Variants in CALN1 observed in about 807,000 individuals in gnomAD.
The protein encoded by CALN1 is calcium-binding protein 8.
A neutral mutation model predicts 30.6 loss-of-function variants in CALN1; 17 were observed. The observed-to-expected ratio is 0.56, with a 90% CI of 0.38 to 0.83. The LOEUF (loss-of-function observed/expected upper bound fraction) is 0.83. Ranked by LOEUF, CALN1 falls within the 40% of genes least tolerant of loss-of-function variation. The pLI, the probability that CALN1 is intolerant of heterozygous loss-of-function variation, is 0.00. For missense variants in CALN1, 291 were observed against 354.9 expected, an observed-to-expected ratio of 0.82 and a Z score of 1.45; for synonymous variants, 156 against 131.4, an observed-to-expected ratio of 1.19 and a Z score of -1.28.
intron 5 of CALN1, among the ~76,000 whole-genome samples, chr7:71,849,434 CTA>C (rs1491421466): frequency 5.0e-5 from 4 of 80,732 alleles, no homozygotes; most frequent in Non-Finnish European, 2.4e-5. Flanking sequence ...TTGGATCTTC[CTA>C]TTTTTTTTTT....
At chr7:72,265,842 A>G (rs536548450) in intron 3 of CALN1, among the ~76,000 whole-genome samples, 5 of 152,058 alleles carry the variant, frequency 3.3e-5, no homozygotes, top group Non-Finnish European at 7.4e-5. Flanking sequence ...AAGGCTTTCT[A>G]AACTACAAAG....
intron 2 of CALN1, among the ~76,000 whole-genome samples, chr7:72,388,470 G>A (rs1054333432): frequency 2.0e-5 from 3 of 152,092 alleles, no homozygotes; most frequent in Non-Finnish European, 4.4e-5. Flanking sequence ...CCTAAATCAT[G>A]AGCCTTAATA....
rs189544114 is a variant in CALN1 at position 72,410,423 on chromosome 7, G to A, written c.-74+1635C>T. On this transcript the variant is annotated intron_variant, in intron 1 of 6. Coordinates refer to ENST00000395275, the MANE Select transcript of CALN1 (RefSeq NM_031468.4). ...GGAATTCCTTGAAAGATGCAAAAGCGAAATCCTTCTACATGATGTAAAATC... is the reference window on the plus strand; with the variant it reads ...GGAATTCCTTGAAAGATGCAAAAGCAAAATCCTTCTACATGATGTAAAATC... 7.9e-5 allele frequency among the ~76,000 whole-genome samples: 12 copies of A among 152,280 alleles called. No individual in the cohort carries two copies. In the East Asian group the frequency reaches 2.1e-3, roughly 27 times the overall value.
intron 3 of CALN1, among the ~76,000 whole-genome samples, chr7:72,146,746 G>C (rs1203968794): frequency 6.6e-6 from 1 of 152,182 alleles, no homozygotes; most frequent in Non-Finnish European, 1.5e-5. Flanking sequence ...AACCAAAACA[G>C]CATGGTACTG....
intron 4 of CALN1, among the ~76,000 whole-genome samples, chr7:72,097,161 G>C (rs924689300): frequency 1.3e-5 from 2 of 152,106 alleles, no homozygotes; most frequent in African/African-American, 4.8e-5. Flanking sequence ...GCCTGTCGTG[G>C]GGTGGGGGGA....
intron 2 of CALN1, among the ~76,000 whole-genome samples, chr7:72,351,629 T>C (rs966591428): frequency 6.6e-6 from 1 of 152,194 alleles, no homozygotes; most frequent in Non-Finnish European, 1.5e-5. Flanking sequence ...ATAGTATCAT[T>C]TGATATCACA....
intron 3 of CALN1, among the ~76,000 whole-genome samples, chr7:72,262,678 A>T (rs572587506): frequency 1.3e-5 from 2 of 152,348 alleles, no homozygotes; most frequent in South Asian, 2.1e-4. Flanking sequence ...TGCAAAGGAC[A>T]TGATTTCACT....
chr7:72,193,036 A>T (rs908696900), intron 3 of CALN1, among the ~76,000 whole-genome samples: 1 of 151,788 alleles, frequency 6.6e-6, no homozygotes, highest in African/African-American at 2.4e-5. Flanking sequence ...AAAATTACAA[A>T]AATTAGCCGG....
chr7:72,108,082 G>C (rs1356751775), intron 3 of CALN1, among the ~76,000 whole-genome samples: 1 of 152,170 alleles, frequency 6.6e-6, no homozygotes, highest in Non-Finnish European at 1.5e-5. Flanking sequence ...CAATCATGAT[G>C]TCAGCAGAGC....
Position 72,434,573 on chromosome 7 carries a change from GGAAGAAGAAGGA to G in CALN1, c.-226+12457_-226+12468del, listed in dbSNP as rs372647971. ...AAGGAGGGGAAGAGGAAGAGGAAGA[GGAAGAAGAAGGA>G]GAAGAAGAAGGAGAAGGAGAATTTA... On this transcript the variant is annotated intron_variant, in intron 1 of 6. Transcript: ENST00000395276. Among the ~76,000 whole-genome samples the G allele has an allele frequency of 7.1e-3, 1,070 of 151,552 alleles. 15 individuals carry two copies. The highest frequency in any genetic ancestry group is 0.024 in the African/African-American group (1,012 of 41,312).
chr7:72,458,269 T>A, the CALN1 span, among the ~76,000 whole-genome samples: 3 of 68,100 alleles, frequency 4.4e-5, 1 homozygote, highest in African/African-American at 2.6e-4. Context: ...ATATATTCTA[T>A]ATTATATAAT....
At position 71,787,652 on chromosome 7, in the gene CALN1, G is replaced by T. The variant is rs574086430; in HGVS notation, c.*123C>A. On this transcript the variant is annotated 3_prime_UTR_variant, in exon 7 of 7. Transcript: ENST00000395275. Reference sequence around the variant, plus strand: ...CTCAACCTTGGGTTCTTTACTGAACGGTTCCATCGTCCGCATCCATCCATA... The same window carrying T: ...CTCAACCTTGGGTTCTTTACTGAACTGTTCCATCGTCCGCATCCATCCATA... 1.1e-5 allele frequency: 15 copies of T among 1,385,920 alleles called. No homozygotes were observed. The highest frequency in any genetic ancestry group is 1.4e-5 in the Non-Finnish European group (14 of 1,032,610). The allele number at this position is 1,385,920 out of a possible 1,614,324, so 85.9% of individuals were successfully genotyped here. A position where few individuals can be genotyped will look rare whatever the true frequency, so the allele number is the denominator to read the frequency against.
the CALN1 span, among the ~76,000 whole-genome samples, chr7:72,474,308 A>G: frequency 3.3e-5 from 5 of 152,182 alleles, no homozygotes; most frequent in African/African-American, 4.8e-5. Context: ...ATTATTTCTT[A>G]CTTTTTATTA....
intron 2 of CALN1, among the ~76,000 whole-genome samples, chr7:72,285,595 A>T (rs375495706): frequency 5.9e-5 from 9 of 152,232 alleles, no homozygotes; most frequent in Non-Finnish European, 7.3e-5. Context: ...ACTAAAAAAA[A>T]TTAAAACTGG....
intron 3 of CALN1, among the ~76,000 whole-genome samples, chr7:72,140,451 G>T (rs1434190972): frequency 1.3e-5 from 2 of 151,866 alleles, no homozygotes; most frequent in Non-Finnish European, 2.9e-5. Context: ...CTGCTCCTGT[G>T]GACCTGCCCA....
intron 5 of CALN1, among the ~76,000 whole-genome samples, chr7:71,939,803 C>G (rs746297538): frequency 5.9e-5 from 9 of 152,084 alleles, no homozygotes; most frequent in Non-Finnish European, 1.2e-4. Flanking sequence ...AGGTCAGGGC[C>G]TGGCTGGCAT....
At chr7:72,314,384 C>CATAT (rs1473044083) in intron 2 of CALN1, among the ~76,000 whole-genome samples, 2 of 69,292 alleles carry the variant, frequency 2.9e-5, no homozygotes, top group Non-Finnish European at 1.0e-4. Flanking sequence ...CACATATATA[C>CATAT]ACATATATAT....
At chr7:72,120,500 T>A (rs1808302524) in intron 3 of CALN1, among the ~76,000 whole-genome samples, 1 of 152,200 alleles carries the variant, frequency 6.6e-6, no homozygotes, top group African/African-American at 2.4e-5. Flanking sequence ...GCAATGGAAA[T>A]CTTTGTACAC....
At chr7:72,302,368 A>C (rs560102508) in intron 2 of CALN1, among the ~76,000 whole-genome samples, 36 of 152,260 alleles carry the variant, frequency 2.4e-4, no homozygotes, top group Non-Finnish European at 4.3e-4. Flanking sequence ...AATGGCGATC[A>C]TGCTGACATT....
Sources: gnomAD v4.1 joint callset for allele counts (sites outside exome capture counted in the v4.1 genomes callset) on GRCh38, gnomAD v4.1.1 for gene constraint, MANE v1.5 for transcripts, NCBI Gene and HGNC (gene_info 2026-07-23, HGNC 2026-07-21) for gene names.